ERC2: variants seen among roughly 807,000 people sequenced by gnomAD.
ERC2 encodes the protein ERC protein 2.
ERC2 carries 42 observed loss-of-function variants against 114.8 expected under a neutral mutation model. The observed-to-expected ratio is 0.37, with a 90% CI of 0.29 to 0.47. The LOEUF (loss-of-function observed/expected upper bound fraction) is 0.47, where lower values mean the gene tolerates loss of function less well. ERC2 is among the 20% of genes least tolerant of loss of function. The pLI, the probability that ERC2 is intolerant of heterozygous loss-of-function variation, is 0.99. For missense variants in ERC2, 939 were observed against 1,150.7 expected (o/e 0.82, Z 2.66); for synonymous variants, 454 against 425.5 (o/e 1.07, Z -0.82).
At chr3:56,388,145 A>G (rs1020982853) in intron 2 of ERC2, among the ~76,000 whole-genome samples, 4 of 152,154 alleles carry the variant, frequency 2.6e-5, no homozygotes, top group Non-Finnish European at 5.9e-5. Context: ...TGAGCATACA[A>G]TGGTGATACA....
intron 8 of ERC2, among the ~76,000 whole-genome samples, chr3:56,014,267 C>T (rs1359415673): frequency 3.9e-5 from 6 of 152,066 alleles, no homozygotes; most frequent in African/African-American, 9.7e-5. Context: ...ACCAGTAGTC[C>T]CTACTACACT....
Position 56,174,975 on chromosome 3 carries a change from T to TA in ERC2, c.1075-1456dup, listed in dbSNP as rs3052701. Among the ~76,000 whole-genome samples the TA allele has an allele frequency of 2.5e-3, 359 of 145,282 alleles. 2 individuals are homozygous for TA. Among genetic ancestry groups the TA allele is most frequent in the African/African-American group, 8.7e-3 (340 of 38,984 alleles). ...CCTGGTGATGGAACGAGACTCTGTC[T>TA]AAAAAAAAAAAAAAAAAGATAGGAC... On this transcript the variant is annotated intron_variant, in intron 3 of 17. Coordinates refer to ENST00000288221, the MANE Select transcript of ERC2 (RefSeq NM_015576.3).
intron 17 of ERC2, among the ~76,000 whole-genome samples, chr3:55,617,407 C>G (rs1338669347): frequency 6.6e-6 from 1 of 152,188 alleles, no homozygotes; most frequent in Non-Finnish European, 1.5e-5. Flanking sequence ...GGCACAGGTA[C>G]TATATTTAAA....
intron 7 of ERC2, among the ~76,000 whole-genome samples, chr3:56,042,945 A>G (rs1237438907): frequency 6.6e-6 from 1 of 152,192 alleles, no homozygotes; most frequent in Non-Finnish European, 1.5e-5. Flanking sequence ...AAAAAGTCCA[A>G]TGATGGAATG....
chr3:56,001,212 C>G (rs553974111), intron 10 of ERC2, among the ~76,000 whole-genome samples: 160 of 152,012 alleles, frequency 1.1e-3, no homozygotes, highest in African/African-American at 3.7e-3. Context: ...AAAAAGATGT[C>G]TAGGTGGAGA....
At chr3:56,311,819 ATGTGTGTGTGTGTGTGTGTGTG>A (rs10536094) in intron 2 of ERC2, among the ~76,000 whole-genome samples, 1 of 142,862 alleles carries the variant, frequency 7.0e-6, no homozygotes, top group African/African-American at 2.6e-5. Flanking sequence ...ATACATATAA[ATGTGTGTGTGTGTGTGTGTGTG>A]TGTGTGTGTG....
intron 3 of ERC2, among the ~76,000 whole-genome samples, chr3:56,292,946 G>A (rs572888434): frequency 1.4e-4 from 21 of 152,220 alleles, no homozygotes; most frequent in African/African-American, 3.4e-4. Flanking sequence ...TTCATGACAC[G>A]CCTCTATTTA....
At chr3:56,095,934 A>G (rs1451627448) in intron 6 of ERC2, among the ~76,000 whole-genome samples, 4 of 152,174 alleles carry the variant, frequency 2.6e-5, no homozygotes, top group Non-Finnish European at 5.9e-5. Flanking sequence ...TGCAAGTCGG[A>G]GCTCTTGACT....
At chr3:55,764,618 G>A (rs916766284) in intron 14 of ERC2, among the ~76,000 whole-genome samples, 9 of 152,196 alleles carry the variant, frequency 5.9e-5, no homozygotes, top group African/African-American at 1.2e-4. Context: ...TGCTTAGGTC[G>A]TAGGATCTTA....
At chr3:56,069,370 G>A (rs1355395281) in intron 7 of ERC2, among the ~76,000 whole-genome samples, 9 of 152,110 alleles carry the variant, frequency 5.9e-5, no homozygotes. Context: ...GTTTTCTATT[G>A]CTGTATGACA....
intron 3 of ERC2, among the ~76,000 whole-genome samples, chr3:56,203,169 T>G (rs1445762130): frequency 6.6e-6 from 1 of 152,216 alleles, no homozygotes; most frequent in Non-Finnish European, 1.5e-5. Flanking sequence ...GAAACATTTC[T>G]GCCCATTACC....
At chr3:55,750,525 C>T (rs150176153) in intron 14 of ERC2, among the ~76,000 whole-genome samples, 105 of 152,130 alleles carry the variant, frequency 6.9e-4, no homozygotes, top group Middle Eastern at 3.4e-3. Flanking sequence ...CCCTTTGGTC[C>T]GGGATGATGG....
At position 56,434,695 on chromosome 3, in the gene ERC2, C is replaced by G. The variant is rs749951626; in HGVS notation, c.313G>C (p.Ala105Pro). The change falls in exon 2 of 18, where the codon GCT becomes CCT. Residue 105 changes from alanine to proline, a missense_variant. Physicochemically the swap from Ala to Pro is conservative, Grantham distance 27. Transcript: ENST00000288221. ...VTAMGSSPNI[A>P]SAGLSHTDVL... ...TCTGTGTGGGAAAGTCCAGCAGAAG[C>G]AATATTGGGACTACTCCCCATGGCT... 6.2e-7 allele frequency: 1 copy of G among 1,613,974 alleles called. No homozygotes were observed. Among genetic ancestry groups the G allele is most frequent in the Admixed American group, 1.7e-5 (1 of 60,022 alleles).
rs561490647 is a variant in ERC2 at position 55,749,406 on chromosome 3, G to T, written c.2565-14488C>A. Reference sequence around the variant, plus strand: ...AAGGCAGGGGTCAAGGAAGAATGGGGCTGGAGAACCCTTAAGGTGAGAGGT... The same window carrying T: ...AAGGCAGGGGTCAAGGAAGAATGGGTCTGGAGAACCCTTAAGGTGAGAGGT... On this transcript the variant is annotated intron_variant, in intron 14 of 17. Transcript: ENST00000288221. Among the ~76,000 whole-genome samples the T allele has an allele frequency of 2.6e-5, 4 of 152,310 alleles. No homozygotes were observed. In the East Asian group the frequency reaches 7.7e-4, roughly 29 times the overall value.
At chr3:55,887,085 A>G (rs1238466374) in intron 14 of ERC2, among the ~76,000 whole-genome samples, 10 of 152,240 alleles carry the variant, frequency 6.6e-5, no homozygotes, top group Admixed American at 6.5e-4. Context: ...CCTGGAGAAA[A>G]TTAGATAGCA....
chr3:56,429,256 C>T (rs941631975), intron 2 of ERC2, among the ~76,000 whole-genome samples: 4 of 152,256 alleles, frequency 2.6e-5, no homozygotes, highest in East Asian at 1.9e-4. Context: ...TGTATCCACC[C>T]TCTCATCAGC....
At chr3:56,241,036 C>T (rs1396621238) in intron 3 of ERC2, among the ~76,000 whole-genome samples, 1 of 152,026 alleles carries the variant, frequency 6.6e-6, no homozygotes, top group East Asian at 1.9e-4. Flanking sequence ...GTACATATAC[C>T]CATTGTTTAG....
chr3:55,938,338 A>G (rs745737422), intron 13 of ERC2, among the ~76,000 whole-genome samples: 1 of 149,940 alleles, frequency 6.7e-6, no homozygotes, highest in Non-Finnish European at 1.5e-5. Context: ...TATCTCCCAG[A>G]CTTCATAGCT....
intron 12 of ERC2, among the ~76,000 whole-genome samples, chr3:55,973,109 G>A (rs548560918): frequency 7.7e-4 from 117 of 152,288 alleles, no homozygotes; most frequent in African/African-American, 2.7e-3. Flanking sequence ...GGGAACAGGG[G>A]CCTCCAGACA....
Sources: allele counts gnomAD v4.1 joint callset (sites outside exome capture counted in the v4.1 genomes callset), GRCh38; gene constraint gnomAD v4.1.1; transcripts MANE v1.5; gene names NCBI Gene and HGNC (gene_info 2026-07-23, HGNC 2026-07-21).